Variants in DZIP3 observed in about 807,000 individuals in gnomAD.
DZIP3 encodes E3 ubiquitin-protein ligase DZIP3.
Under a neutral mutation model 162.0 loss-of-function variants are expected in DZIP3, and 118 were observed. That is an observed-to-expected ratio of 0.73 (90% CI 0.63 to 0.85). DZIP3 has a LOEUF of 0.85. Among genes scored for constraint, DZIP3 ranks in the 40% least tolerant of loss-of-function variants. DZIP3 has a pLI of 0.00. For synonymous variants in DZIP3, 438 were observed against 458.6 expected (o/e 0.96, Z 0.57); for missense variants, 1,331 against 1,407.0 (o/e 0.95, Z 0.86).
intron 32 of DZIP3, among the ~76,000 whole-genome samples, chr3:108,692,066 T>G (rs1944718670): frequency 6.6e-6 from 1 of 152,180 alleles, no homozygotes; most frequent in African/African-American, 2.4e-5. Context: ...TTTTTCAGTT[T>G]AATTTGCAGG....
chr3:108,660,396 C>G (rs1943364280), intron 19 of DZIP3, among the ~76,000 whole-genome samples: 1 of 152,126 alleles, frequency 6.6e-6, no homozygotes, highest in Non-Finnish European at 1.5e-5. Flanking sequence ...GAAAGGATTC[C>G]CTATTTAATA....
At chr3:108,681,260 G>A (rs892904815) in intron 26 of DZIP3, among the ~76,000 whole-genome samples, 1 of 152,052 alleles carries the variant, frequency 6.6e-6, no homozygotes, top group African/African-American at 2.4e-5. Context: ...CCATCAAAAA[G>A]TGGGCAAAGG....
chr3:108,649,069 G>A (rs551394003), intron 17 of DZIP3, 107 bp downstream of exon 17: 1 of 606,768 alleles, frequency 1.6e-6, no homozygotes, highest in East Asian at 1.1e-4. Flanking sequence ...TAGCACAAAT[G>A]ATTCAATAGC....
rs751773603 is a variant in DZIP3, at chr3:108,625,840, T to C, written c.457-5T>C. Reference sequence around the variant, plus strand: ...GTAGCCAAACCTAGTTTTATGTTACTACAGGATTATACAGAAGCTGAGAAT... The same window carrying C: ...GTAGCCAAACCTAGTTTTATGTTACCACAGGATTATACAGAAGCTGAGAAT... On this transcript the variant is annotated splice_polypyrimidine_tract_variant and splice_region_variant and intron_variant, in intron 6 of 32. Coordinates refer to ENST00000361582, the MANE Select transcript of DZIP3 (RefSeq NM_014648.4). The C allele has an allele frequency of 1.2e-6, 2 of 1,600,172 alleles. No homozygotes were observed. Among genetic ancestry groups the C allele is most frequent in the South Asian group, 1.1e-5 (1 of 87,848 alleles).
intron 18 of DZIP3, 131 bp from the exon 19 acceptor site, chr3:108,654,014 C>A: frequency 1.1e-6 from 1 of 907,352 alleles, no homozygotes; most frequent in Middle Eastern, 2.5e-4. Flanking sequence ...ATCCAAACTT[C>A]CTTTGATCAT....
intron 1 of DZIP3, among the ~76,000 whole-genome samples, chr3:108,590,251 G>A (rs756618275): frequency 1.2e-4 from 19 of 152,220 alleles, no homozygotes; most frequent in Middle Eastern, 3.4e-3. Context: ...ACTGGTTTTG[G>A]AGCTTTTTGC....
chr3:108,633,799 C>A (rs1942001893), intron 9 of DZIP3, among the ~76,000 whole-genome samples: 1 of 84,394 alleles, frequency 1.2e-5, no homozygotes, highest in African/African-American at 5.5e-5. Flanking sequence ...TCTGATAGAT[C>A]TCTCTCTCTC....
chr3:108,669,351 G>A (rs886290291), intron 21 of DZIP3, among the ~76,000 whole-genome samples: 1 of 151,886 alleles, frequency 6.6e-6, no homozygotes, highest in African/African-American at 2.4e-5. Context: ...TACCATCTCT[G>A]TTTTCTAGTA....
chr3:108,639,404 C>T (rs1942291472), intron 12 of DZIP3, among the ~76,000 whole-genome samples: 2 of 152,200 alleles, frequency 1.3e-5, no homozygotes, highest in South Asian at 4.1e-4. Context: ...ACTTTGAACA[C>T]TTTCTTGGGT....
chr3:108,631,045 A>ACTCTCTCT (rs1273420432), intron 8 of DZIP3, among the ~76,000 whole-genome samples: 11 of 81,906 alleles, frequency 1.3e-4, no homozygotes, highest in African/African-American at 2.8e-4. Flanking sequence ...ACACACACAC[A>ACTCTCTCT]CACACACACA....
At position 108,644,629 on chromosome 3, in the gene DZIP3, T is replaced by G; in HGVS notation, c.1607T>G (p.Ile536Ser). 3 of 1,614,080 alleles carry G rather than the reference T, an allele frequency of 1.9e-6. No individual in the cohort carries two copies. The highest frequency in any genetic ancestry group is 2.5e-6 in the Non-Finnish European group (3 of 1,179,964). Residue 536 changes from isoleucine (I) to serine (S), a missense_variant, in exon 14 of 33, where the codon ATT becomes AGT. Ile to Ser is a moderately radical substitution (Grantham distance 142). Coordinates refer to ENST00000361582, the MANE Select transcript of DZIP3 (RefSeq NM_014648.4). ...TCAATTTGGAAAAAAGTTTCAGATA[T>G]TCTTCTGCGCCTTGGGATGATGCAA... ...FNSIWKKVSD[I>S]LLRLGMMQED...
intron 5 of DZIP3, among the ~76,000 whole-genome samples, chr3:108,623,034 A>C (rs1264606433): frequency 6.6e-6 from 1 of 151,234 alleles, no homozygotes; most frequent in Non-Finnish European, 1.5e-5. Flanking sequence ...CTGCCTTGCT[A>C]CCACCTATAC....
chr3:108,648,331 C>T (rs529200301), intron 16 of DZIP3: 38 of 411,234 alleles, frequency 9.2e-5, no homozygotes, highest in Non-Finnish European at 1.4e-4. Flanking sequence ...TTCTTAAACA[C>T]TTATGTGGCA....
intron 29 of DZIP3, 78 bp from the exon 30 acceptor site, chr3:108,688,515 C>T: frequency 6.8e-7 from 1 of 1,462,752 alleles, no homozygotes; most frequent in African/African-American, 1.4e-5. Flanking sequence ...CTTACTATAC[C>T]CCGTTCTGTA....
intron 21 of DZIP3, among the ~76,000 whole-genome samples, chr3:108,663,994 G>A (rs1490626109): frequency 6.6e-6 from 1 of 152,186 alleles, no homozygotes; most frequent in East Asian, 1.9e-4. Flanking sequence ...AAAATGTATA[G>A]TCCTATTCCT....
intron 1 of DZIP3, among the ~76,000 whole-genome samples, chr3:108,599,594 T>C (rs1272769889): frequency 6.6e-6 from 1 of 152,212 alleles, no homozygotes; most frequent in Non-Finnish European, 1.5e-5. Context: ...TTCATAGTGC[T>C]GTAACCACAG....
Position 108,621,048 on chromosome 3 carries a change from C to T in DZIP3, c.376-3396C>T, listed in dbSNP as rs972733305. 5.3e-5 allele frequency among the ~76,000 whole-genome samples: 8 copies of T among 152,146 alleles called. 1 individual carries two copies. Among genetic ancestry groups the T allele is most frequent in the Admixed American group, 3.9e-4 (6 of 15,280 alleles). On this transcript the variant is annotated intron_variant, in intron 5 of 32. Transcript: ENST00000361582. ...ATGTTGGCCAGGATGGTCTCGATGT[C>T]CTGACCTTGTAATCTGCCTGCCTCG... is the stretch of plus-strand genomic sequence containing the variant.
intron 11 of DZIP3, 68 bp downstream of exon 11, chr3:108,636,776 G>A: frequency 3.6e-6 from 4 of 1,101,390 alleles, no homozygotes; most frequent in Non-Finnish European, 5.3e-6. Flanking sequence ...TTTTTGACTT[G>A]AAACAGACCT....
chr3:108,620,163 G>A (rs896951354), intron 5 of DZIP3, among the ~76,000 whole-genome samples: 6 of 152,076 alleles, frequency 3.9e-5, no homozygotes, highest in Non-Finnish European at 8.8e-5. Flanking sequence ...AGCATATACG[G>A]CCACCTCCAG....
Sources: allele counts gnomAD v4.1 joint callset (sites outside exome capture counted in the v4.1 genomes callset), GRCh38; gene constraint gnomAD v4.1.1; transcripts MANE v1.5; gene names NCBI Gene and HGNC (gene_info 2026-07-23, HGNC 2026-07-21).